The following CACNG3 variants were observed in gnomAD, a reference collection of about 807,000 sequenced individuals.
CACNG3 encodes the protein calcium voltage-gated channel auxiliary subunit gamma 3.
CACNG3 carries 3 observed loss-of-function variants against 28.5 expected under a neutral mutation model. The observed-to-expected ratio is 0.11, with a 90% CI of 0.05 to 0.27. The LOEUF (loss-of-function observed/expected upper bound fraction) is 0.27, where lower values mean the gene tolerates loss of function less well. Among genes scored for constraint, CACNG3 ranks in the 10% least tolerant of loss-of-function variants. The pLI is 1.00. For synonymous variants in CACNG3, 174 were observed against 162.2 expected (o/e 1.07, Z -0.55); for missense variants, 236 against 414.4 (o/e 0.57, Z 3.74).
Position 24,285,567 on chromosome 16 carries a change from C to T in CACNG3, c.211+28602C>T, listed in dbSNP as rs188298210. Among the ~76,000 whole-genome samples, 9 of 152,184 alleles carry T rather than the reference C, an allele frequency of 5.9e-5. No homozygotes were observed. In the East Asian group the frequency reaches 1.5e-3, roughly 26 times the overall value. On this transcript the variant is annotated intron_variant, in intron 1 of 3. Coordinates refer to ENST00000005284, the MANE Select transcript of CACNG3 (RefSeq NM_006539.4). ...TAAATCAGAGCCAGACACAATGGCA[C>T]ACACCTCTAGTCCCAGCTATTTAAG...
At chr16:24,289,305 A>G (rs75330810) in intron 1 of CACNG3, among the ~76,000 whole-genome samples, 1 of 141,736 alleles carries the variant, frequency 7.1e-6, no homozygotes, top group African/African-American at 2.7e-5. Flanking sequence ...TCTGCAAAAG[A>G]AAAAAAAAAA....
intron 1 of CACNG3, among the ~76,000 whole-genome samples, chr16:24,305,724 G>C (rs1215994634): frequency 6.6e-6 from 1 of 152,030 alleles, no homozygotes; most frequent in Non-Finnish European, 1.5e-5. Context: ...ATAACGGGTT[G>C]ATAGGTGTAG....
At chr16:24,357,705 G>A (rs1020102651) in intron 3 of CACNG3, among the ~76,000 whole-genome samples, 1 of 152,300 alleles carries the variant, frequency 6.6e-6, no homozygotes, top group South Asian at 2.1e-4. Flanking sequence ...CAAACCCAGG[G>A]ACTTGTTTTG....
Position 24,256,676 on chromosome 16 carries a change from C to A in CACNG3, c.-79C>A, listed in dbSNP as rs2141341348. 1 of 945,596 alleles carries A rather than the reference C, an allele frequency of 1.1e-6. No homozygotes were observed. Among genetic ancestry groups the A allele is most frequent in the Non-Finnish European group, 1.7e-6 (1 of 574,612 alleles). The allele number at this position is 945,596 out of a possible 1,614,324, so 58.6% of individuals were successfully genotyped here. ...TTTGGAAGAGCCTGTACTAGGTTAC[C>A]CGGCTGCAGAGTGATTTTCCCCTCC... On this transcript the variant is annotated 5_prime_UTR_variant, in exon 1 of 4. Transcript: ENST00000005284. This position sits in a 1 kb window ranked among gnomAD's most constrained non-coding sequence, Gnocchi z 4.6.
intron 1 of CACNG3, among the ~76,000 whole-genome samples, chr16:24,282,029 A>G (rs559985864): frequency 6.6e-6 from 1 of 152,130 alleles, no homozygotes; most frequent in Non-Finnish European, 1.5e-5. Context: ...CCACTACTCT[A>G]TGACACCATC....
chr16:24,284,600 A>C (rs1254074984), intron 1 of CACNG3, among the ~76,000 whole-genome samples: 2 of 152,002 alleles, frequency 1.3e-5, no homozygotes, highest in African/African-American at 2.4e-5. Context: ...TTTAACTTTT[A>C]GGTTTTGAAT....
intron 1 of CACNG3, among the ~76,000 whole-genome samples, chr16:24,326,716 C>A (rs1412292866): frequency 6.6e-6 from 1 of 152,140 alleles, no homozygotes; most frequent in Non-Finnish European, 1.5e-5. Context: ...TCACCCTATG[C>A]TCACCTCACT....
intron 1 of CACNG3, among the ~76,000 whole-genome samples, chr16:24,336,563 CT>C (rs66532255): frequency 0.64 from 94,679 of 147,084 alleles, 30,405 homozygotes; most frequent in East Asian, 0.76. Flanking sequence ...GCGTGAGCCA[CT>C]GTGCCCAGCC....
chr16:24,314,710 T>A (rs1451308526), intron 1 of CACNG3, among the ~76,000 whole-genome samples: 1 of 148,964 alleles, frequency 6.7e-6, no homozygotes, highest in Non-Finnish European at 1.5e-5. Context: ...TTTTGAAGCC[T>A]GGCAAATTCT....
At chr16:24,288,119 T>C (rs780191476) in intron 1 of CACNG3, among the ~76,000 whole-genome samples, 2 of 152,186 alleles carry the variant, frequency 1.3e-5, no homozygotes, top group Non-Finnish European at 1.5e-5. Context: ...TCCCATTGTA[T>C]AGAAGACAAA....
chr16:24,268,950 C>T (rs376998482), intron 1 of CACNG3, among the ~76,000 whole-genome samples: 23 of 152,246 alleles, frequency 1.5e-4, no homozygotes, highest in Admixed American at 8.5e-4. Context: ...ATAGACGATG[C>T]GAATCTGCAG....
At chr16:24,340,523 A>T (rs34375011) in intron 1 of CACNG3, among the ~76,000 whole-genome samples, 42,290 of 152,154 alleles carry the variant, frequency 0.28, 6,104 homozygotes, top group Admixed American at 0.38. Flanking sequence ...TGTATCCCAT[A>T]AATATGTACG....
intron 1 of CACNG3, among the ~76,000 whole-genome samples, chr16:24,345,223 C>T (rs530749631): frequency 1.1e-4 from 16 of 152,162 alleles, no homozygotes; most frequent in Non-Finnish European, 1.9e-4. Flanking sequence ...GAACCTTGTC[C>T]GTTTCCCACG....
chr16:24,342,545 T>G (rs1257437400), intron 1 of CACNG3, among the ~76,000 whole-genome samples: 1 of 152,164 alleles, frequency 6.6e-6, no homozygotes, highest in Non-Finnish European at 1.5e-5. Flanking sequence ...CCAGCAAAAT[T>G]GTTGTTAAAC....
rs191234797 is a variant in CACNG3 at position 24,340,130 on chromosome 16, T to C, written c.212-6604T>C. On this transcript the variant is annotated intron_variant, in intron 1 of 3. Transcript: ENST00000005284. ...TACAAAAAATATAAAAATTGGCTGGTTGTGGTGGTGCACACCTCTAGTCCC... is the reference window on the plus strand; with the variant it reads ...TACAAAAAATATAAAAATTGGCTGGCTGTGGTGGTGCACACCTCTAGTCCC... 3.9e-5 allele frequency among the ~76,000 whole-genome samples: 6 copies of C among 152,042 alleles called. No homozygotes were observed. The East Asian group carries it at 1.2e-3, about 29-fold the overall frequency.
intron 1 of CACNG3, among the ~76,000 whole-genome samples, chr16:24,339,170 T>C (rs2141376899): frequency 6.6e-6 from 1 of 152,370 alleles, no homozygotes; most frequent in African/African-American, 2.4e-5. Flanking sequence ...AGGGATTAAC[T>C]GAATAAAGGG....
chr16:24,325,232 C>G (rs1486852992), intron 1 of CACNG3, among the ~76,000 whole-genome samples: 1 of 152,152 alleles, frequency 6.6e-6, no homozygotes, highest in East Asian at 1.9e-4. Context: ...TGAGGGGTGT[C>G]TAAATTCTGG....
At chr16:24,260,841 C>A (rs1479619142) in intron 1 of CACNG3, among the ~76,000 whole-genome samples, 1 of 152,164 alleles carries the variant, frequency 6.6e-6, no homozygotes, top group Non-Finnish European at 1.5e-5. Context: ...CTGGAAAGCA[C>A]GGGAGGCATT....
At chr16:24,275,044 A>C (rs1197774346) in intron 1 of CACNG3, among the ~76,000 whole-genome samples, 1 of 152,138 alleles carries the variant, frequency 6.6e-6, no homozygotes, top group Non-Finnish European at 1.5e-5. Context: ...GGGATTGGCA[A>C]GGTTGAAACT....
Sources: gnomAD v4.1 joint callset for allele counts (sites outside exome capture counted in the v4.1 genomes callset) on GRCh38, gnomAD v4.1.1 for gene constraint, Gnocchi (gnomAD v3.1) non-coding constraint, MANE v1.5 for transcripts, NCBI Gene and HGNC (gene_info 2026-07-23, HGNC 2026-07-21) for gene names.